The following PHACTR1 variants were observed in gnomAD, a reference collection of about 807,000 sequenced individuals.
The protein encoded by PHACTR1 is phosphatase and actin regulator 1.
A neutral mutation model predicts 69.2 loss-of-function variants in PHACTR1; 16 were observed. That is an observed-to-expected ratio of 0.23 (90% CI 0.16 to 0.35). The LOEUF is 0.35. Among genes scored for constraint, PHACTR1 ranks in the 10% least tolerant of loss-of-function variants. PHACTR1 has a pLI of 1.00. For synonymous variants in PHACTR1, 312 were observed against 284.5 expected (o/e 1.10, Z -0.97); for missense variants, 510 against 734.7 (o/e 0.69, Z 3.54).
chr6:12,973,916 A>ATTTTTTTT (rs33948457), intron 4 of PHACTR1, among the ~76,000 whole-genome samples: 95 of 92,832 alleles, frequency 1.0e-3, no homozygotes, highest in Middle Eastern at 7.2e-3. Flanking sequence ...AGAGGCTGGG[A>ATTTTTTTT]TTTTTTTTTT....
At chr6:12,779,297 T>C (rs188439889) in intron 4 of PHACTR1, among the ~76,000 whole-genome samples, 2 of 152,246 alleles carry the variant, frequency 1.3e-5, no homozygotes, top group East Asian at 3.9e-4. Context: ...ATCGCGCCAT[T>C]GCACTCCAGC....
intron 4 of PHACTR1, among the ~76,000 whole-genome samples, chr6:12,920,320 T>C (rs1219745872): frequency 6.6e-6 from 1 of 152,242 alleles, no homozygotes; most frequent in East Asian, 1.9e-4. Flanking sequence ...CAATAAATTG[T>C]AGAAGGCTTA....
intron 4 of PHACTR1, among the ~76,000 whole-genome samples, chr6:12,845,429 A>ACACCCCCCCC (rs1420703977): frequency 5.5e-5 from 1 of 18,028 alleles, no homozygotes; most frequent in Non-Finnish European, 9.9e-5. Context: ...AACACCACCC[A>ACACCCCCCCC]CCCCCCCCCC....
chr6:13,230,440 G>A lies in PHACTR1; in HGVS notation c.1391+247G>A, dbSNP rs1770677573. 6.6e-6 allele frequency: 5 copies of A among 759,026 alleles called. No homozygotes were observed. In the South Asian group the frequency reaches 8.9e-5, roughly 13 times the overall value. The allele number at this position is 759,026 out of a possible 1,614,324, so 47.0% of individuals were successfully genotyped here. A position where few individuals can be genotyped will look rare whatever the true frequency, so the allele number is the denominator to read the frequency against. On this transcript the variant is annotated intron_variant, in intron 10 of 14. Transcript: ENST00000332995. ...GGTGGCCTGTAGTCCCAGCTACTCG[G>A]GAGGCTGAGGCAGGAGGATTGCTTG...
intron 9 of PHACTR1, among the ~76,000 whole-genome samples, chr6:13,228,397 C>T (rs1164068873): frequency 6.6e-6 from 1 of 152,218 alleles, no homozygotes; most frequent in Non-Finnish European, 1.5e-5. Context: ...GTTTAAAACT[C>T]TGTCCCTGTC....
intron 4 of PHACTR1, among the ~76,000 whole-genome samples, chr6:12,918,781 A>C (rs2127507612): frequency 6.6e-6 from 1 of 152,364 alleles, no homozygotes. Flanking sequence ...GACCCCTAGA[A>C]GTGGACCAGG....
chr6:13,030,118 G>A (rs35776201), intron 4 of PHACTR1, among the ~76,000 whole-genome samples: 25,143 of 152,238 alleles, frequency 0.17, 2,591 homozygotes, highest in South Asian at 0.26. Context: ...TATTGTTATT[G>A]TGGTTACAAG....
chr6:13,013,382 T>C (rs1799663837), intron 4 of PHACTR1, among the ~76,000 whole-genome samples: 1 of 152,228 alleles, frequency 6.6e-6, no homozygotes. Flanking sequence ...GAGGGTAATT[T>C]GCTGTGGCCC....
chr6:13,283,115 C>T lies in PHACTR1; in HGVS notation c.1510-307C>T, dbSNP rs1780657901. ...CCAAATTCATTACATTAGTCTCCTTCCTTGTTTTGAAAATTTACATAATAA... is the reference window on the plus strand; with the variant it reads ...CCAAATTCATTACATTAGTCTCCTTTCTTGTTTTGAAAATTTACATAATAA... On this transcript the variant is annotated intron_variant, in intron 12 of 14. Transcript: ENST00000332995. The surrounding 1 kb of genome is among the most constrained non-coding windows in gnomAD (Gnocchi z 4.7). Among the ~76,000 whole-genome samples the T allele has an allele frequency of 6.6e-6, 1 of 151,716 alleles. No homozygotes were observed. Among genetic ancestry groups the T allele is most frequent in the South Asian group, 2.1e-4 (1 of 4,814 alleles).
At chr6:12,884,744 A>ATCAT (rs1050088120) in intron 4 of PHACTR1, among the ~76,000 whole-genome samples, 33 of 152,028 alleles carry the variant, frequency 2.2e-4, no homozygotes, top group Non-Finnish European at 4.4e-4. Context: ...GCATCAATGC[A>ATCAT]TCATTCATTC....
At chr6:12,998,618 AAAAAAAAAAG>A (rs1797712929) in intron 4 of PHACTR1, among the ~76,000 whole-genome samples, 1 of 151,642 alleles carries the variant, frequency 6.6e-6, no homozygotes. Flanking sequence ...CTGGTCAAAA[AAAAAAAAAAG>A]AAAAGAAAAA....
intron 4 of PHACTR1, among the ~76,000 whole-genome samples, chr6:13,018,785 T>C (rs148690886): frequency 8.5e-5 from 13 of 152,256 alleles, no homozygotes; most frequent in African/African-American, 3.1e-4. Flanking sequence ...TTGCATCCAC[T>C]TCCAAAGGAA....
chr6:13,019,555 T>C (rs544846844), intron 4 of PHACTR1, among the ~76,000 whole-genome samples: 14 of 152,366 alleles, frequency 9.2e-5, no homozygotes, highest in African/African-American at 3.4e-4. Context: ...GCTTGCCTTA[T>C]TTTTAACATA....
In PHACTR1 at chr6:12,829,964, A is replaced by AAGAGAGAGAGAGAG. The variant is rs149861206; in HGVS notation, c.250+80194_250+80207dup. Reference sequence around the variant, plus strand: ...CAGAGCAAGACTCCGTCAAGAAAGAAAGAGAGAGAGAGAGAGAGAGAGAGA... The same window carrying AAGAGAGAGAGAGAG: ...CAGAGCAAGACTCCGTCAAGAAAGAAAGAGAGAGAGAGAGAGAGAGAGAGAGAGAGAGAGAGAGA... On this transcript the variant is annotated intron_variant, in intron 4 of 14. Coordinates refer to ENST00000332995, the MANE Select transcript of PHACTR1 (RefSeq NM_030948.6). 6.4e-3 allele frequency among the ~76,000 whole-genome samples: 640 copies of AAGAGAGAGAGAGAG among 99,924 alleles called. 25 individuals carry two copies. The highest frequency in any genetic ancestry group is 0.011 in the African/African-American group (243 of 22,736). The allele number at this position is 99,924 out of a possible 152,430, so 65.6% of individuals were successfully genotyped here.
At chr6:12,957,997 C>T (rs1421551579) in intron 4 of PHACTR1, 10 of 985,288 alleles carry the variant, frequency 1.0e-5, no homozygotes, top group Non-Finnish European at 1.2e-5. Flanking sequence ...CCCAGAGAGG[C>T]GGATGCATGT....
intron 4 of PHACTR1, among the ~76,000 whole-genome samples, chr6:12,884,507 T>C (rs1783436795): frequency 6.6e-6 from 1 of 151,796 alleles, no homozygotes; most frequent in African/African-American, 2.4e-5. Flanking sequence ...TTCATGCCAC[T>C]CCCTTGCCTC....
At chr6:12,737,669 A>G (rs1022197627) in intron 3 of PHACTR1, among the ~76,000 whole-genome samples, 58 of 151,000 alleles carry the variant, frequency 3.8e-4, no homozygotes, top group African/African-American at 1.3e-3. Flanking sequence ...ATGATGGCTC[A>G]CTGCAGCCTC....
chr6:12,838,354 T>C (rs1398244310), intron 4 of PHACTR1, among the ~76,000 whole-genome samples: 1 of 152,190 alleles, frequency 6.6e-6, no homozygotes, highest in Non-Finnish European at 1.5e-5. Context: ...TGCCACTGTA[T>C]CTGATGCCTG....
At chr6:13,036,985 G>A (rs1803414425) in intron 4 of PHACTR1, among the ~76,000 whole-genome samples, 1 of 152,150 alleles carries the variant, frequency 6.6e-6, no homozygotes. Flanking sequence ...TGGAGGGTAG[G>A]GTCATATCAA....
Sources: gnomAD v4.1 joint callset for allele counts (sites outside exome capture counted in the v4.1 genomes callset) on GRCh38, gnomAD v4.1.1 for gene constraint, Gnocchi (gnomAD v3.1) non-coding constraint, MANE v1.5 for transcripts, NCBI Gene and HGNC (gene_info 2026-07-23, HGNC 2026-07-21) for gene names.